Variants in KRT7 observed in about 807,000 individuals in gnomAD.
The protein encoded by KRT7 is keratin, type II cytoskeletal 7.
A neutral mutation model predicts 42.8 loss-of-function variants in KRT7; 50 were observed. The ratio of observed to expected loss-of-function variants is 1.17; its 90% confidence interval spans 0.93 to 1.48. The LOEUF is 1.48. Ranked by LOEUF, KRT7 falls within the 40% of genes most tolerant of loss-of-function variation. The probability of loss-of-function intolerance (pLI) is 0.00; values close to 1 mark genes in which losing one functional copy is unlikely to be tolerated. For synonymous variants in KRT7, 268 were observed against 266.3 expected (o/e 1.01, Z -0.06); for missense variants, 588 against 637.6 (o/e 0.92, Z 0.84).
intron 3 of KRT7, 157 bp downstream of exon 3, chr12:52,237,726 A>ATGTGTGTGTGTGTG (rs10546862): frequency 6.9e-5 from 24 of 346,324 alleles, no homozygotes; most frequent in African/African-American, 1.8e-4. Context: ...GGGTGCGTGT[A>ATGTGTGTGTGTGTG]TGTGTGTGTG....
chr12:52,252,414 C>T (rs574417658), downstream of KRT7: 33 of 1,614,136 alleles, frequency 2.0e-5, no homozygotes, highest in Middle Eastern at 3.3e-4. Context: ...CAGCTTGCAG[C>T]GGGCATCACT....
chr12:52,247,925 A>G, intron 7 of KRT7: 1 of 554,900 alleles, frequency 1.8e-6, no homozygotes. Context: ...GTTGGGCCCA[A>G]GGCATAGGTG....
chr12:52,248,687 G>C lies in KRT7; in HGVS notation c.1337G>C (p.Ser446Thr). Residue 446 changes from serine (S) to threonine (T), a missense_variant, in exon 9 of 9, where the codon AGT becomes ACT. Coordinates refer to ENST00000331817, the MANE Select transcript of KRT7 (RefSeq NM_005556.4). ...AGCAATGCCCTGAGCTTCTCCAGCA[G>C]TGCGGGTCCTGGGCTCCTGAAGGCT... is the stretch of plus-strand genomic sequence containing the variant. Reference protein sequence around the residue: ...MGSNALSFSSSAGPGLLKAYS... With the variant: ...MGSNALSFSSTAGPGLLKAYS... 1 of 1,613,396 alleles carries C rather than the reference G, an allele frequency of 6.2e-7. No individual in the cohort carries two copies. The highest frequency in any genetic ancestry group is 8.5e-7 in the Non-Finnish European group (1 of 1,179,712).
At position 52,233,359 on chromosome 12, in the gene KRT7, C is replaced by G; in HGVS notation, c.63C>G (p.Gly21=). Residue 21 remains glycine, a synonymous_variant, in exon 1 of 9, where the codon GGC becomes GGG. Transcript: ENST00000331817. The part of the protein sequence containing the change: ...TSRSAAFSGR[G]AQVRLSSARP... ...GCTCAGCCGCCTTCTCGGGCCGCGGCGCCCAGGTGCGCCTGAGCTCCGCTC... is the reference window on the plus strand; with the variant it reads ...GCTCAGCCGCCTTCTCGGGCCGCGGGGCCCAGGTGCGCCTGAGCTCCGCTC... 1 of 1,571,364 alleles carries G rather than the reference C, an allele frequency of 6.4e-7. No homozygotes were observed. Among genetic ancestry groups the G allele is most frequent in the Non-Finnish European group, 8.6e-7 (1 of 1,164,178 alleles).
downstream of KRT7, chr12:52,253,488 C>CT: frequency 6.4e-7 from 1 of 1,553,798 alleles, no homozygotes; most frequent in Non-Finnish European, 8.8e-7. Flanking sequence ...AGAGGCAGCC[C>CT]TTATCTTCCC....
Position 52,235,176 on chromosome 12 carries a change from A to AACAC in KRT7, c.349_350insCACA (p.Lys117ThrfsTer27), listed in dbSNP as rs762437248. 3.7e-6 allele frequency: 6 copies of AACAC among 1,613,994 alleles called. No homozygotes were observed. In the Middle Eastern group the frequency reaches 8.3e-4, roughly 222 times the overall value. ...CTAGGTGCGGTTTCTGGAGCAGCAG[A>AACAC]ACAAGCTGCTGGAGACCAAGTGGAC... On this transcript the variant is annotated frameshift_variant, in exon 2 of 9. Transcript: ENST00000331817. LOFTEE classifies it high-confidence loss of function.
intron 4 of KRT7, among the ~76,000 whole-genome samples, chr12:52,241,063 C>T (rs769878951): frequency 4.6e-5 from 7 of 152,080 alleles, no homozygotes; most frequent in Non-Finnish European, 8.8e-5. Context: ...GCATATTCCC[C>T]ACAGGTAGTT....
At chr12:52,254,988 A>G (rs908322650), downstream of KRT7, among the ~76,000 whole-genome samples, 2 of 152,226 alleles carry the variant, frequency 1.3e-5, no homozygotes, top group Non-Finnish European at 1.5e-5. Flanking sequence ...GCCATTGTCT[A>G]TAATTCACCT....
rs755398322 is a variant in KRT7 at position 52,248,213 on chromosome 12, T to C, written c.1240+2T>C. ...ATGGAGTGGGAGCCGTGAATATCTG[T>C]AAGTCCTTGGCTGCGGCCCATGGGA... On this transcript the variant is annotated splice_donor_variant, in intron 8 of 8. Coordinates refer to ENST00000331817, the MANE Select transcript of KRT7 (RefSeq NM_005556.4). LOFTEE classifies it high-confidence loss of function. 1 of 1,614,042 alleles carries C rather than the reference T, an allele frequency of 6.2e-7. No homozygotes were observed. The highest frequency in any genetic ancestry group is 1.1e-5 in the South Asian group (1 of 91,066).
chr12:52,234,920 A>G (rs912151229), intron 1 of KRT7, among the ~76,000 whole-genome samples: 1 of 152,186 alleles, frequency 6.6e-6, no homozygotes, highest in East Asian at 1.9e-4. Flanking sequence ...GCCCTGGAGC[A>G]CATTCGTCGA....
chr12:52,233,659 T>C (rs757638220), intron 1 of KRT7, 39 bp downstream of exon 1: 24 of 1,599,842 alleles, frequency 1.5e-5, no homozygotes, highest in South Asian at 6.6e-5. Flanking sequence ...CGAGCCGCGC[T>C]CCAGACCACA....
In KRT7 at chr12:52,235,488, C is replaced by A. The variant is rs1033011583; in HGVS notation, c.536+122C>A. On this transcript the variant is annotated intron_variant, in intron 2 of 8. Transcript: ENST00000331817. ...CATGCAGCTGCTCAGTCCAATAACT[C>A]CCTGAGGGGCCAGTCTTGACCAACA... 5 of 756,952 alleles carry A rather than the reference C, an allele frequency of 6.6e-6. No homozygotes were observed. In the African/African-American group the frequency reaches 7.0e-5, roughly 11 times the overall value. 46.9% of individuals were successfully genotyped at this position (756,952 alleles called of 1,614,324 possible). A position where few individuals can be genotyped will look rare whatever the true frequency, so the allele number is the denominator to read the frequency against.
intron 4 of KRT7, among the ~76,000 whole-genome samples, chr12:52,240,659 T>C (rs1942075192): frequency 6.6e-6 from 1 of 151,928 alleles, no homozygotes; most frequent in Admixed American, 6.6e-5. Flanking sequence ...AGAAAATGGA[T>C]TACTTATACC....
At chr12:52,240,879 T>G (rs1232133806) in intron 4 of KRT7, among the ~76,000 whole-genome samples, 1 of 152,074 alleles carries the variant, frequency 6.6e-6, no homozygotes, top group Non-Finnish European at 1.5e-5. Context: ...ACCCATCAAC[T>G]TGTCATTTAC....
chr12:52,240,698 C>T (rs113301751), intron 4 of KRT7, among the ~76,000 whole-genome samples: 42 of 152,196 alleles, frequency 2.8e-4, no homozygotes, highest in African/African-American at 1.0e-3. Flanking sequence ...GTCTACCTTT[C>T]CAGACTTTTC....
At chr12:52,254,413 AC>A (rs747360779), downstream of KRT7, 8 of 629,922 alleles carry the variant, frequency 1.3e-5, no homozygotes, top group South Asian at 2.8e-5. Flanking sequence ...ACAATTCAGA[AC>A]CCTTGTTTTT....
At position 52,238,716 on chromosome 12, in the gene KRT7, G is replaced by A. The variant is rs1364868784; in HGVS notation, c.634G>A (p.Glu212Lys). ...TGCCTACATGAGCAAGGTGGAGCTGGAGGCCAAGGTGGATGCCCTGAATGA... is the reference window on the plus strand; with the variant it reads ...TGCCTACATGAGCAAGGTGGAGCTGAAGGCCAAGGTGGATGCCCTGAATGA... ...DAAYMSKVELEAKVDALNDEI... is the reference protein window; with the variant it reads ...DAAYMSKVELKAKVDALNDEI... The change falls in exon 4 of 9, where the codon GAG becomes AAG. Residue 212 changes from glutamate (E) to lysine (K), a missense_variant. Coordinates refer to ENST00000331817, the MANE Select transcript of KRT7 (RefSeq NM_005556.4). 1.2e-6 allele frequency: 2 copies of A among 1,614,128 alleles called. No individual in the cohort carries two copies. Among genetic ancestry groups the A allele is most frequent in the Admixed American group, 1.7e-5 (1 of 60,024 alleles).
In KRT7 at chr12:52,241,508, T is replaced by C. The variant is rs766758224; in HGVS notation, c.730T>C (p.Ser244Pro). 1.2e-6 allele frequency: 2 copies of C among 1,613,704 alleles called. No individual in the cohort carries two copies. Among genetic ancestry groups the C allele is most frequent in the Non-Finnish European group, 1.7e-6 (2 of 1,179,788 alleles). ...TELQSQISDT[S>P]VVLSMDNSRS... is the part of the protein sequence containing the mutation. Reference sequence around the variant, plus strand: ...GCTGCAGTCCCAGATCTCCGACACATCTGTGGTGCTGTCCATGGACAACAG... The same window carrying C: ...GCTGCAGTCCCAGATCTCCGACACACCTGTGGTGCTGTCCATGGACAACAG... Residue 244 changes from serine (S) to proline (P), a missense_variant, in exon 5 of 9, where the codon TCT (serine) becomes CCT (proline). Physicochemically the swap from Ser to Pro is moderately conservative, Grantham distance 74. Transcript: ENST00000331817.
At chr12:52,253,367 C>G (rs778145367), downstream of KRT7, 4 of 1,609,672 alleles carry the variant, frequency 2.5e-6, no homozygotes, top group Non-Finnish European at 3.4e-6. Context: ...TTATGAGGCT[C>G]AGGGTGGGAC....
Sources: gnomAD v4.1 joint callset for allele counts (sites outside exome capture counted in the v4.1 genomes callset) on GRCh38, gnomAD v4.1.1 for gene constraint, MANE v1.5 for transcripts, NCBI Gene and HGNC (gene_info 2026-07-23, HGNC 2026-07-21) for gene names.